DNAJB7: variants seen among roughly 807,000 people sequenced by gnomAD.
The protein encoded by DNAJB7 is DnaJ heat shock protein family (Hsp40) member B7, also known as dnaJ homolog subfamily B member 7.
In DNAJB7, 1 loss-of-function variant was observed where a neutral mutation model predicts 1.2. The observed-to-expected ratio is 0.84, with a 90% CI of 0.30 to 4.01. DNAJB7 has a LOEUF of 4.01. Among genes scored for constraint, DNAJB7 ranks in the 30% most tolerant of loss-of-function variants. The pLI is 0.18. For synonymous variants in DNAJB7, 128 were observed against 127.7 expected, an observed-to-expected ratio of 1.00 and a Z score of -0.01; for missense variants, 420 against 358.5, an observed-to-expected ratio of 1.17 and a Z score of -1.39.
Position 40,861,338 on chromosome 22 carries a change from C to G in DNAJB7, c.657G>C (p.Leu219Phe). Residue 219 changes from leucine to phenylalanine, a missense_variant, in exon 1 of 1, where the codon TTG becomes TTC. By Grantham distance (22) the Leu-to-Phe change is conservative. Coordinates refer to ENST00000307221, the MANE Select transcript of DNAJB7 (RefSeq NM_145174.2). Reference sequence around the variant, plus strand: ...CCACACTATTTACAAGAAAAAATGTCAACTCTCCATTATCTTCAGCTTCTC... The same window carrying G: ...CCACACTATTTACAAGAAAAAATGTGAACTCTCCATTATCTTCAGCTTCTC... ...QEREAEDNGE[L>F]TFFLVNSVAN... 2 of 1,614,120 alleles carry G rather than the reference C, an allele frequency of 1.2e-6. No homozygotes were observed. The highest frequency in any genetic ancestry group is 1.7e-6 in the Non-Finnish European group (2 of 1,180,026).
rs1338403059 is a variant in DNAJB7 at position 40,860,877 on chromosome 22, C to T, written c.*188G>A. 7 of 665,588 alleles carry T rather than the reference C, an allele frequency of 1.1e-5. No individual in the cohort carries two copies. Among genetic ancestry groups the T allele is most frequent in the Non-Finnish European group, 1.7e-5 (7 of 407,194 alleles). The allele number at this position is 665,588 out of a possible 1,614,324, so 41.2% of individuals were successfully genotyped here. On this transcript the variant is annotated 3_prime_UTR_variant, in exon 1 of 1. Transcript: ENST00000307221. ...TACTGCCCAGGCAAATTCTTATTAG[C>T]ACCAACTGTCACCACAAACTCATCC...
chr22:40,860,496 G>A lies in DNAJB7; in HGVS notation c.*569C>T, dbSNP rs994202031. ...AAACAGCCATTTCATGAATAATTGTGTAGTCTGAACCTGTGTGTCTTGATA... is the reference window on the plus strand; with the variant it reads ...AAACAGCCATTTCATGAATAATTGTATAGTCTGAACCTGTGTGTCTTGATA... On this transcript the variant is annotated 3_prime_UTR_variant, in exon 1 of 1. Transcript: ENST00000307221. 4.1e-6 allele frequency: 2 copies of A among 483,410 alleles called. No individual in the cohort carries two copies. Among genetic ancestry groups the A allele is most frequent in the East Asian group, 7.2e-5 (2 of 27,746 alleles). 29.9% of individuals were successfully genotyped at this position (483,410 alleles called of 1,614,324 possible). A position where few individuals can be genotyped will look rare whatever the true frequency, so the allele number is the denominator to read the frequency against.
At position 40,859,813 on chromosome 22, in the gene DNAJB7, T is replaced by C. The variant is rs1175876382; in HGVS notation, c.*1252A>G. 1 of 152,234 alleles carries C rather than the reference T, an allele frequency of 6.6e-6. No homozygotes were observed. Among genetic ancestry groups the C allele is most frequent in the African/African-American group, 2.4e-5 (1 of 41,466 alleles). 9.4% of individuals were successfully genotyped at this position (152,234 alleles called of 1,614,324 possible). ...GCTAGATGTAACTCAAACCATTTGC[T>C]CGATATCTGATGTATTTGTAACCCA... On this transcript the variant is annotated 3_prime_UTR_variant, in exon 1 of 1. Transcript: ENST00000307221.
Position 40,860,890 on chromosome 22 carries a change from C to T in DNAJB7, c.*175G>A. 2 of 688,154 alleles carry T rather than the reference C, an allele frequency of 2.9e-6. No homozygotes were observed. Among genetic ancestry groups the T allele is most frequent in the South Asian group, 2.1e-5 (1 of 46,812 alleles). The allele number at this position is 688,154 out of a possible 1,614,324, so 42.6% of individuals were successfully genotyped here. Reference sequence around the variant, plus strand: ...AATTCTTATTAGCACCAACTGTCACCACAAACTCATCCTTTTCTGACATAC... The same window carrying T: ...AATTCTTATTAGCACCAACTGTCACTACAAACTCATCCTTTTCTGACATAC... On this transcript the variant is annotated 3_prime_UTR_variant, in exon 1 of 1. Coordinates refer to ENST00000307221, the MANE Select transcript of DNAJB7 (RefSeq NM_145174.2).
In DNAJB7 at chr22:40,859,967, T is replaced by C. The variant is rs1021058560; in HGVS notation, c.*1098A>G. The C allele has an allele frequency of 6.6e-6, 1 of 152,242 alleles. No homozygotes were observed. The highest frequency in any genetic ancestry group is 2.4e-5 in the African/African-American group (1 of 41,464). 9.4% of individuals were successfully genotyped at this position (152,242 alleles called of 1,614,324 possible). A position where few individuals can be genotyped will look rare whatever the true frequency, so the allele number is the denominator to read the frequency against. ...TTTCCTGTCTGGAGTGATTCACTGA[T>C]GGCCTACCATACAGACTGCTCTGAG... On this transcript the variant is annotated 3_prime_UTR_variant, in exon 1 of 1. Transcript: ENST00000307221.
At position 40,860,906 on chromosome 22, in the gene DNAJB7, T is replaced by C; in HGVS notation, c.*159A>G. The C allele has an allele frequency of 1.4e-6, 1 of 718,308 alleles. No homozygotes were observed. The allele number at this position is 718,308 out of a possible 1,614,324, so 44.5% of individuals were successfully genotyped here. A position where few individuals can be genotyped will look rare whatever the true frequency, so the allele number is the denominator to read the frequency against. On this transcript the variant is annotated 3_prime_UTR_variant, in exon 1 of 1. Transcript: ENST00000307221. ...AACTGTCACCACAAACTCATCCTTT[T>C]CTGACATACCCATTCAAAAAAACTA...
chr22:40,860,366 C>T lies in DNAJB7; in HGVS notation c.*699G>A. 1 of 172,858 alleles carries T rather than the reference C, an allele frequency of 5.8e-6. No homozygotes were observed. Among genetic ancestry groups the T allele is most frequent in the Non-Finnish European group, 1.2e-5 (1 of 81,298 alleles). The allele number at this position is 172,858 out of a possible 1,614,324, so 10.7% of individuals were successfully genotyped here. A position where few individuals can be genotyped will look rare whatever the true frequency, so the allele number is the denominator to read the frequency against. ...ATGCTAGGATTACAGGTGTGAGCCA[C>T]TGCACCCAGCTAAGTCTATTTCTAA... is the stretch of plus-strand genomic sequence containing the variant. On this transcript the variant is annotated 3_prime_UTR_variant, in exon 1 of 1. Coordinates refer to ENST00000307221, the MANE Select transcript of DNAJB7 (RefSeq NM_145174.2).
chr22:40,861,061 C>A lies in DNAJB7; in HGVS notation c.*4G>T, dbSNP rs1601485083. ...TTCAAATGTTATATATTTGAAGAGT[C>A]AATTTAACAATTCCTTTTGGTAGAC... On this transcript the variant is annotated 3_prime_UTR_variant, in exon 1 of 1. Transcript: ENST00000307221. 1.9e-6 allele frequency: 3 copies of A among 1,571,938 alleles called. No individual in the cohort carries two copies. The highest frequency in any genetic ancestry group is 2.4e-5 in the South Asian group (2 of 83,038).
Position 40,862,063 on chromosome 22 carries a change from G to A in DNAJB7, c.-69C>T, listed in dbSNP as rs1283512447. The A allele has an allele frequency of 6.6e-7, 1 of 1,525,292 alleles. No individual in the cohort carries two copies. Among genetic ancestry groups the A allele is most frequent in the Admixed American group, 2.3e-5 (1 of 44,106 alleles). 94.5% of individuals were successfully genotyped at this position (1,525,292 alleles called of 1,614,324 possible). A position where few individuals can be genotyped will look rare whatever the true frequency, so the allele number is the denominator to read the frequency against. ...CCGTGGTTTCCTCAGCTCAGGCTCT[G>A]CTGGTGGTGGTGATAGAGGTAGTGA... On this transcript the variant is annotated 5_prime_UTR_variant, in exon 1 of 1. Transcript: ENST00000307221.
In DNAJB7 at chr22:40,859,788, G is replaced by C. The variant is rs1863668338; in HGVS notation, c.*1277C>G. On this transcript the variant is annotated 3_prime_UTR_variant, in exon 1 of 1. Transcript: ENST00000307221. ...CCAAAGTTGAATAAGTTTTAGTGCT[G>C]CTAGATGTAACTCAAACCATTTGCT... 6.6e-6 allele frequency: 1 copy of C among 152,148 alleles called. No individual in the cohort carries two copies. Among genetic ancestry groups the C allele is most frequent in the Admixed American group, 6.5e-5 (1 of 15,284 alleles). The allele number at this position is 152,148 out of a possible 1,614,324, so 9.4% of individuals were successfully genotyped here. A position where few individuals can be genotyped will look rare whatever the true frequency, so the allele number is the denominator to read the frequency against.
Position 40,859,561 on chromosome 22 carries a change from TG to T in DNAJB7, c.*1503del, listed in dbSNP as rs2057928739. ...TATATTAGAAGCATTTAAAATACCC[TG>T]GGCTTTTATTATTTTATTTTCTGAA... On this transcript the variant is annotated 3_prime_UTR_variant, in exon 1 of 1. Transcript: ENST00000307221. 6.6e-6 allele frequency: 1 copy of T among 152,172 alleles called. No individual in the cohort carries two copies. The highest frequency in any genetic ancestry group is 2.1e-4 in the South Asian group (1 of 4,832). 9.4% of individuals were successfully genotyped at this position (152,172 alleles called of 1,614,324 possible).
At position 40,861,048 on chromosome 22, in the gene DNAJB7, A is replaced by G. The variant is rs753763743; in HGVS notation, c.*17T>C. The G allele has an allele frequency of 1.3e-6, 2 of 1,559,490 alleles. No individual in the cohort carries two copies. Among genetic ancestry groups the G allele is most frequent in the South Asian group, 1.2e-5 (1 of 80,504 alleles). ...ACACACAATTGTGTTCAAATGTTAT[A>G]TATTTGAAGAGTCAATTTAACAATT... is the stretch of plus-strand genomic sequence containing the variant. On this transcript the variant is annotated 3_prime_UTR_variant, in exon 1 of 1. Transcript: ENST00000307221.
At position 40,860,887 on chromosome 22, in the gene DNAJB7, C is replaced by T; in HGVS notation, c.*178G>A. The T allele has an allele frequency of 1.5e-6, 1 of 678,270 alleles. No individual in the cohort carries two copies. The highest frequency in any genetic ancestry group is 2.4e-6 in the Non-Finnish European group (1 of 418,248). The allele number at this position is 678,270 out of a possible 1,614,324, so 42.0% of individuals were successfully genotyped here. On this transcript the variant is annotated 3_prime_UTR_variant, in exon 1 of 1. Transcript: ENST00000307221. Reference sequence around the variant, plus strand: ...GCAAATTCTTATTAGCACCAACTGTCACCACAAACTCATCCTTTTCTGACA... The same window carrying T: ...GCAAATTCTTATTAGCACCAACTGTTACCACAAACTCATCCTTTTCTGACA...
Position 40,862,078 on chromosome 22 carries a change from A to G in DNAJB7, c.-84T>C. Reference sequence around the variant, plus strand: ...CTCAGGCTCTGCTGGTGGTGGTGATAGAGGTAGTGACTGCAAATAGGTACA... The same window carrying G: ...CTCAGGCTCTGCTGGTGGTGGTGATGGAGGTAGTGACTGCAAATAGGTACA... On this transcript the variant is annotated 5_prime_UTR_variant, in exon 1 of 1. Coordinates refer to ENST00000307221, the MANE Select transcript of DNAJB7 (RefSeq NM_145174.2). 6.6e-7 allele frequency: 1 copy of G among 1,521,054 alleles called. No individual in the cohort carries two copies. Among genetic ancestry groups the G allele is most frequent in the Non-Finnish European group, 8.8e-7 (1 of 1,141,614 alleles). 94.2% of individuals were successfully genotyped at this position (1,521,054 alleles called of 1,614,324 possible). A position where few individuals can be genotyped will look rare whatever the true frequency, so the allele number is the denominator to read the frequency against.
chr22:40,860,731 C>A lies in DNAJB7; in HGVS notation c.*334G>T. On this transcript the variant is annotated 3_prime_UTR_variant, in exon 1 of 1. Coordinates refer to ENST00000307221, the MANE Select transcript of DNAJB7 (RefSeq NM_145174.2). The stretch of plus-strand genomic sequence containing the variant: ...GCAGTGGCGTGATCCCATTACACTG[C>A]AACCTATGTCTTCCAGGCTCAAGCA... 1 of 844,122 alleles carries A rather than the reference C, an allele frequency of 1.2e-6. No homozygotes were observed. Among genetic ancestry groups the A allele is most frequent in the Non-Finnish European group, 1.8e-6 (1 of 549,406 alleles). The allele number at this position is 844,122 out of a possible 1,614,324, so 52.3% of individuals were successfully genotyped here. A position where few individuals can be genotyped will look rare whatever the true frequency, so the allele number is the denominator to read the frequency against.
chr22:40,862,099 G>A lies in DNAJB7; in HGVS notation c.-105C>T, dbSNP rs998856450. 8.6e-6 allele frequency: 13 copies of A among 1,507,382 alleles called. No individual in the cohort carries two copies. Among genetic ancestry groups the A allele is most frequent in the African/African-American group, 1.4e-5 (1 of 71,194 alleles). The allele number at this position is 1,507,382 out of a possible 1,614,324, so 93.4% of individuals were successfully genotyped here. A position where few individuals can be genotyped will look rare whatever the true frequency, so the allele number is the denominator to read the frequency against. ...TGATAGAGGTAGTGACTGCAAATAG[G>A]TACACTTTTATGTTAAAGACAATGT... On this transcript the variant is annotated 5_prime_UTR_variant, in exon 1 of 1. Coordinates refer to ENST00000307221, the MANE Select transcript of DNAJB7 (RefSeq NM_145174.2).
rs747612550 is a variant in DNAJB7 at position 40,861,569 on chromosome 22, A to G, written c.426T>C (p.Ser142=). The G allele has an allele frequency of 6.2e-7, 1 of 1,613,458 alleles. No individual in the cohort carries two copies. Among genetic ancestry groups the G allele is most frequent in the South Asian group, 1.1e-5 (1 of 90,862 alleles). The stretch of plus-strand genomic sequence containing the variant: ...AAAATTTCTCAAAAATTGGATATTC[A>G]CTGGCAGTGGAGAAAAAGTATCCTG... ...RDAGYFFSTA[S]EYPIFEKFSS... The change falls in exon 1 of 1, where the codon AGT becomes AGC. Residue 142 remains serine, a synonymous_variant. Coordinates refer to ENST00000307221, the MANE Select transcript of DNAJB7 (RefSeq NM_145174.2).
rs745384683 is a variant in DNAJB7 at position 40,861,249 on chromosome 22, G to A, written c.746C>T (p.Pro249Leu). Residue 249 changes from proline (P) to leucine (L), a missense_variant, in exon 1 of 1, where the codon CCA becomes CTA. Transcript: ENST00000307221. ...TACATGTTTGGAGCTGTGAGAATTT[G>A]GTGAATAGTTGTTGAATGACTGTGT... is the stretch of plus-strand genomic sequence containing the variant. ...WRTQSFNNYS[P>L]NSHSSKHVSQ... The A allele has an allele frequency of 6.2e-7, 1 of 1,614,090 alleles. No individual in the cohort carries two copies. Among genetic ancestry groups the A allele is most frequent in the Non-Finnish European group, 8.5e-7 (1 of 1,180,014 alleles).
At position 40,860,713 on chromosome 22, in the gene DNAJB7, C is replaced by T. The variant is rs1428610002; in HGVS notation, c.*352G>A. 5.0e-6 allele frequency: 5 copies of T among 998,918 alleles called. No homozygotes were observed. Among genetic ancestry groups the T allele is most frequent in the Non-Finnish European group, 4.4e-6 (3 of 683,712 alleles). 61.9% of individuals were successfully genotyped at this position (998,918 alleles called of 1,614,324 possible). On this transcript the variant is annotated 3_prime_UTR_variant, in exon 1 of 1. Coordinates refer to ENST00000307221, the MANE Select transcript of DNAJB7 (RefSeq NM_145174.2). The stretch of plus-strand genomic sequence containing the variant: ...TGTCACCCAAGCTGGAGTGCAGTGG[C>T]GTGATCCCATTACACTGCAACCTAT...
Sources: allele counts gnomAD v4.1 joint callset, GRCh38; gene constraint gnomAD v4.1.1; transcripts MANE v1.5; gene names NCBI Gene and HGNC (gene_info 2026-07-23, HGNC 2026-07-21).